Variants in ERBB4 observed in about 807,000 individuals in gnomAD.
ERBB4 encodes the protein receptor tyrosine-protein kinase erbB-4.
A neutral mutation model predicts 158.0 loss-of-function variants in ERBB4; 42 were observed. The ratio of observed to expected loss-of-function variants is 0.27; its 90% CI spans 0.21 to 0.34. ERBB4 has a LOEUF of 0.34. Among genes scored for constraint, ERBB4 ranks in the 10% least tolerant of loss-of-function variants. The pLI is 1.00. For synonymous variants in ERBB4, 583 were observed against 558.7 expected (o/e 1.04, Z -0.61); for missense variants, 1,333 against 1,624.1 (o/e 0.82, Z 3.08).
chr2:211,788,036 C>A lies in ERBB4; in HGVS notation c.545G>T (p.Gly182Val). The A allele has an allele frequency of 6.2e-7, 1 of 1,613,506 alleles. No individual in the cohort carries two copies. Among genetic ancestry groups the A allele is most frequent in the Non-Finnish European group, 8.5e-7 (1 of 1,179,592 alleles). Residue 182 changes from glycine (G) to valine (V), a missense_variant, in exon 4 of 28, where the codon GGT (glycine) becomes GTT (valine). Coordinates refer to ENST00000342788, the MANE Select transcript of ERBB4 (RefSeq NM_005235.3). ...PSNLTLVSTN[G>V]SSGCGRCHKS... ...ATAATTCTACTTACATCCTGAACTACCATTTGTTGACACAAGAGTCAAGTT... is the reference window on the plus strand; with the variant it reads ...ATAATTCTACTTACATCCTGAACTAACATTTGTTGACACAAGAGTCAAGTT...
chr2:212,162,439 T>C (rs1349405405), intron 1 of ERBB4, among the ~76,000 whole-genome samples: 2 of 151,860 alleles, frequency 1.3e-5, no homozygotes, highest in Non-Finnish European at 2.9e-5. Context: ...GTGAGGGACA[T>C]GAGGGAACTT....
chr2:212,470,673 A>G (rs577049196), intron 1 of ERBB4, among the ~76,000 whole-genome samples: 4 of 152,196 alleles, frequency 2.6e-5, no homozygotes, highest in East Asian at 3.9e-4. Flanking sequence ...TGGATTTTCT[A>G]GTTCCTGTTT....
chr2:211,631,884 A>C (rs2070147295), intron 16 of ERBB4, among the ~76,000 whole-genome samples: 1 of 152,024 alleles, frequency 6.6e-6, no homozygotes, highest in South Asian at 2.1e-4. Flanking sequence ...CTTATACTAC[A>C]TTTTCTTAAA....
chr2:212,202,957 C>T lies in ERBB4; in HGVS notation c.83-78054G>A, dbSNP rs573771336. Among the ~76,000 whole-genome samples, 333 of 151,426 alleles carry T rather than the reference C, an allele frequency of 2.2e-3. 1 individual carries two copies. The highest frequency in any genetic ancestry group is 7.5e-3 in the African/African-American group (310 of 41,352). On this transcript the variant is annotated intron_variant, in intron 1 of 27. Coordinates refer to ENST00000342788, the MANE Select transcript of ERBB4 (RefSeq NM_005235.3). The stretch of plus-strand genomic sequence containing the variant: ...CATTAATAACAAAACCATAATAATA[C>T]TATACATTTATGTAATATATGTTAT...
At chr2:211,842,109 G>C (rs1166350044) in intron 3 of ERBB4, among the ~76,000 whole-genome samples, 3 of 151,962 alleles carry the variant, frequency 2.0e-5, no homozygotes, top group Non-Finnish European at 4.4e-5. Flanking sequence ...CCTAAATTAA[G>C]TTGCCGATTA....
chr2:212,247,536 G>T (rs554739473), intron 1 of ERBB4, among the ~76,000 whole-genome samples: 11 of 152,088 alleles, frequency 7.2e-5, no homozygotes, highest in Non-Finnish European at 1.5e-4. Context: ...ATTAGAATTG[G>T]TTGAAAATAT....
chr2:211,736,272 C>G (rs1437586914), intron 5 of ERBB4, among the ~76,000 whole-genome samples: 1 of 151,940 alleles, frequency 6.6e-6, no homozygotes, highest in Non-Finnish European at 1.5e-5. Context: ...ATTTACAGTA[C>G]AAATAACATT....
chr2:211,482,097 G>T (rs1480605950), intron 20 of ERBB4, among the ~76,000 whole-genome samples: 2 of 152,146 alleles, frequency 1.3e-5, no homozygotes, highest in Non-Finnish European at 2.9e-5. Flanking sequence ...AGCAAGTGGA[G>T]TTCACAGGGC....
chr2:211,383,750 T>G lies in ERBB4; in HGVS notation c.3792A>C (p.Thr1264=). ...GCCCATTCTGTTTATAAAAATATTTTGTGCTGTACTCCTGCAGGTAGTCTG... is the reference window on the plus strand; with the variant it reads ...GCCCATTCTGTTTATAAAAATATTTGGTGCTGTACTCCTGCAGGTAGTCTG... ...QHPDYLQEYS[T]KYFYKQNGRI... is the part of the protein sequence containing the mutation. The change falls in exon 28 of 28, where the codon ACA becomes ACC. Residue 1264 remains threonine, a synonymous_variant. Transcript: ENST00000342788. 6.2e-7 allele frequency: 1 copy of G among 1,614,102 alleles called. No individual in the cohort carries two copies. Among genetic ancestry groups the G allele is most frequent in the Non-Finnish European group, 8.5e-7 (1 of 1,180,016 alleles).
At chr2:211,873,394 G>T (rs1051467724) in intron 3 of ERBB4, among the ~76,000 whole-genome samples, 1 of 150,444 alleles carries the variant, frequency 6.6e-6, no homozygotes, top group African/African-American at 2.4e-5. Context: ...TTAATGAGAT[G>T]ACAATGCAAA....
intron 1 of ERBB4, among the ~76,000 whole-genome samples, chr2:212,340,569 T>C (rs2088660526): frequency 6.6e-6 from 1 of 152,202 alleles, no homozygotes; most frequent in Non-Finnish European, 1.5e-5. Context: ...CCCAGATTCC[T>C]TGCATGCGCA....
intron 1 of ERBB4, among the ~76,000 whole-genome samples, chr2:212,421,290 T>G (rs1034534250): frequency 1.4e-5 from 2 of 143,422 alleles, no homozygotes; most frequent in Non-Finnish European, 3.2e-5. Flanking sequence ...ATCAGATGAA[T>G]TGAAACTCAT....
chr2:211,543,488 GTTTC>G (rs1423515374), intron 20 of ERBB4, among the ~76,000 whole-genome samples: 1 of 151,904 alleles, frequency 6.6e-6, no homozygotes, highest in African/African-American at 2.4e-5. Flanking sequence ...TTAGTTATTT[GTTTC>G]TTTGTTTCTT....
rs1575153499 is a variant in ERBB4, at chr2:211,791,227, G to T, written c.422-3068C>A. ...CCGCATTTTTTAGATAAGAAAGAGG[G>T]ACAAGGATTAGGAAAAGAGAAAAGT... On this transcript the variant is annotated intron_variant, in intron 3 of 27. Coordinates refer to ENST00000342788, the MANE Select transcript of ERBB4 (RefSeq NM_005235.3). Among the ~76,000 whole-genome samples the T allele has an allele frequency of 2.0e-5, 3 of 151,890 alleles. No homozygotes were observed. In the South Asian group the frequency reaches 6.2e-4, roughly 31 times the overall value.
chr2:211,467,163 G>C (rs942033036), intron 20 of ERBB4, among the ~76,000 whole-genome samples: 3 of 152,076 alleles, frequency 2.0e-5, no homozygotes, highest in African/African-American at 7.2e-5. Context: ...AGGTTTCATT[G>C]ATAGTAACGT....
At chr2:211,640,458 A>T (rs2070536783) in intron 16 of ERBB4, among the ~76,000 whole-genome samples, 1 of 152,196 alleles carries the variant, frequency 6.6e-6, no homozygotes, top group African/African-American at 2.4e-5. Flanking sequence ...ATTAATGAAC[A>T]AAGCTCCTTT....
At chr2:211,506,963 G>T (rs1388696761) in intron 20 of ERBB4, among the ~76,000 whole-genome samples, 1 of 152,082 alleles carries the variant, frequency 6.6e-6, no homozygotes, top group South Asian at 2.1e-4. Flanking sequence ...GAAGTCATTA[G>T]ACTGCTAGCT....
chr2:212,052,285 G>C (rs1360678704), intron 2 of ERBB4, among the ~76,000 whole-genome samples: 1 of 152,114 alleles, frequency 6.6e-6, no homozygotes, highest in African/African-American at 2.4e-5. Flanking sequence ...GGTTTGCCAG[G>C]GGGGTCTTGG....
intron 20 of ERBB4, among the ~76,000 whole-genome samples, chr2:211,466,900 T>C (rs1320326782): frequency 6.6e-6 from 1 of 152,110 alleles, no homozygotes; most frequent in Non-Finnish European, 1.5e-5. Context: ...CTCTCTCCAG[T>C]ATTTGATTAC....
Sources: gnomAD v4.1 joint callset for allele counts (sites outside exome capture counted in the v4.1 genomes callset) on GRCh38, gnomAD v4.1.1 for gene constraint, MANE v1.5 for transcripts, NCBI Gene and HGNC (gene_info 2026-07-23, HGNC 2026-07-21) for gene names.